EFL1: variants seen among roughly 807,000 people sequenced by gnomAD.
EFL1 encodes the protein elongation factor like GTPase 1.
A neutral mutation model predicts 126.7 loss-of-function variants in EFL1; 76 were observed. The observed-to-expected ratio is 0.60, with a 90% CI of 0.50 to 0.73. The LOEUF (loss-of-function observed/expected upper bound fraction) is 0.73. Among genes scored for constraint, EFL1 ranks in the 30% least tolerant of loss-of-function variants. EFL1 has a pLI of 0.00. For missense variants in EFL1, 1,128 were observed against 1,343.2 expected, an observed-to-expected ratio of 0.84 and a Z score of 2.50; for synonymous variants, 410 against 448.4, an observed-to-expected ratio of 0.91 and a Z score of 1.08.
chr15:82,152,474 CAA>C (rs759516649), intron 17 of EFL1, 51 bp from the exon 18 acceptor site: 1 of 1,464,924 alleles, frequency 6.8e-7, no homozygotes. Flanking sequence ...AAAATAGCAT[CAA>C]AGCTCCTGTG....
chr15:82,136,638 T>C (rs1255698111), intron 19 of EFL1, among the ~76,000 whole-genome samples: 1 of 152,232 alleles, frequency 6.6e-6, no homozygotes. Flanking sequence ...ATAGTTCTAT[T>C]TTTCAGGCAC....
chr15:82,260,203 C>A (rs2141346792), intron 2 of EFL1, among the ~76,000 whole-genome samples: 1 of 152,036 alleles, frequency 6.6e-6, no homozygotes, highest in Non-Finnish European at 1.5e-5. Context: ...TTTGTTACAC[C>A]CCACTAACTT....
chr15:82,217,708 T>C (rs1666961057), intron 14 of EFL1, among the ~76,000 whole-genome samples: 1 of 152,194 alleles, frequency 6.6e-6, no homozygotes, highest in African/African-American at 2.4e-5. Flanking sequence ...TGATGCCTGC[T>C]TCCCAGTGTT....
chr15:82,211,575 C>CTAG (rs2074588267), intron 15 of EFL1, among the ~76,000 whole-genome samples: 2 of 127,696 alleles, frequency 1.6e-5, no homozygotes, highest in African/African-American at 6.4e-5. Flanking sequence ...CACACACACA[C>CTAG]ACACACTAGA....
At chr15:82,177,220 T>C (rs1438836167) in intron 15 of EFL1, among the ~76,000 whole-genome samples, 2 of 152,256 alleles carry the variant, frequency 1.3e-5, no homozygotes, top group Non-Finnish European at 1.5e-5. Flanking sequence ...GTGCATCTTA[T>C]GCATCAATAA....
At position 82,248,358 on chromosome 15, in the gene EFL1, C is replaced by T. The variant is rs542531100; in HGVS notation, c.244+4333G>A. ...TTAGGACCATGGGTAAACGTTCACA[C>T]AGCCAGAGGAAAAGGGAAGCTACTG... On this transcript the variant is annotated intron_variant, in intron 4 of 19. Transcript: ENST00000268206. 5.3e-5 allele frequency among the ~76,000 whole-genome samples: 8 copies of T among 152,212 alleles called. 1 individual carries two copies. In the South Asian group the frequency reaches 1.7e-3, roughly 32 times the overall value.
At chr15:82,208,873 G>A (rs957795644) in intron 15 of EFL1, among the ~76,000 whole-genome samples, 5 of 151,856 alleles carry the variant, frequency 3.3e-5, no homozygotes, top group African/African-American at 1.2e-4. Context: ...TAAAACACCA[G>A]AAGTATTCCC....
chr15:82,142,637 C>T (rs1424132666), intron 18 of EFL1, among the ~76,000 whole-genome samples: 1 of 152,208 alleles, frequency 6.6e-6, no homozygotes, highest in Non-Finnish European at 1.5e-5. Flanking sequence ...CAGTGCTCAA[C>T]TGTTAATGAC....
At chr15:82,191,472 C>A (rs1372453008) in intron 15 of EFL1, among the ~76,000 whole-genome samples, 1 of 152,036 alleles carries the variant, frequency 6.6e-6, no homozygotes, top group African/African-American at 2.4e-5. Context: ...TAGATAAAAG[C>A]ATTTTGAAAA....
At chr15:82,184,677 C>T (rs2074285554) in intron 15 of EFL1, among the ~76,000 whole-genome samples, 1 of 152,160 alleles carries the variant, frequency 6.6e-6, no homozygotes, top group African/African-American at 2.4e-5. Flanking sequence ...TTTTCTCTGG[C>T]CTTTCATGTT....
chr15:82,244,834 C>A (rs1294946592), intron 4 of EFL1, among the ~76,000 whole-genome samples: 1 of 152,104 alleles, frequency 6.6e-6, no homozygotes, highest in Non-Finnish European at 1.5e-5. Context: ...TAGTGTTCAA[C>A]TTCCAAAACA....
intron 15 of EFL1, among the ~76,000 whole-genome samples, chr15:82,205,925 C>T (rs2074519997): frequency 1.3e-5 from 2 of 152,206 alleles, no homozygotes; most frequent in Non-Finnish European, 2.9e-5. Context: ...ACAGACACAT[C>T]TTAAGTTGTA....
intron 4 of EFL1, among the ~76,000 whole-genome samples, chr15:82,242,499 A>AT (rs2074941201): frequency 1.1e-5 from 1 of 89,612 alleles, no homozygotes; most frequent in Non-Finnish European, 2.0e-5. Flanking sequence ...TTCCCCCAAT[A>AT]TAATTTTAAT....
intron 14 of EFL1, among the ~76,000 whole-genome samples, chr15:82,217,210 T>A (rs1255032012): frequency 6.6e-6 from 1 of 151,804 alleles, no homozygotes; most frequent in Non-Finnish European, 1.5e-5. Context: ...AACACTCCTA[T>A]TGGGAGTGTA....
At chr15:82,239,457 C>T (rs1482959179) in intron 6 of EFL1, among the ~76,000 whole-genome samples, 22 of 152,216 alleles carry the variant, frequency 1.4e-4, no homozygotes, top group South Asian at 1.2e-3. Context: ...ATTTCTACAA[C>T]GAATGATATC....
At chr15:82,130,919 G>A (rs1319677062) in intron 19 of EFL1, among the ~76,000 whole-genome samples, 1 of 152,246 alleles carries the variant, frequency 6.6e-6, no homozygotes, top group East Asian at 1.9e-4. Context: ...GGAGGCTGAG[G>A]CAGAAGAATC....
chr15:82,258,974 G>A (rs1596015263), intron 3 of EFL1, 114 bp downstream of exon 3: 37 of 940,390 alleles, frequency 3.9e-5, no homozygotes, highest in African/African-American at 1.5e-4. Context: ...GCTTTTAGAC[G>A]CAAGAATTAT....
chr15:82,140,495 T>G (rs2073774837), intron 18 of EFL1, among the ~76,000 whole-genome samples: 1 of 152,228 alleles, frequency 6.6e-6, no homozygotes, highest in Non-Finnish European at 1.5e-5. Context: ...CTTCTTCTTA[T>G]GAGTATTCTT....
At position 82,161,023 on chromosome 15, in the gene EFL1, G is replaced by T. The variant is rs916016006; in HGVS notation, c.1882+2830C>A. Among the ~76,000 whole-genome samples, 8 of 152,192 alleles carry T rather than the reference G, an allele frequency of 5.3e-5. No homozygotes were observed. The East Asian group carries it at 1.5e-3, about 29-fold the overall frequency. ...TGTAGTTCTCTGTGTTGAGTTTGTA[G>T]TTGACCTGTGGGCATGAAGTAGAGG... On this transcript the variant is annotated intron_variant, in intron 16 of 19. Transcript: ENST00000268206.
Sources: gnomAD v4.1 joint callset for allele counts (sites outside exome capture counted in the v4.1 genomes callset) on GRCh38, gnomAD v4.1.1 for gene constraint, MANE v1.5 for transcripts, NCBI Gene and HGNC (gene_info 2026-07-23, HGNC 2026-07-21) for gene names.